Variants in RANBP2 observed in about 807,000 individuals in gnomAD.
RANBP2 encodes the protein E3 SUMO-protein ligase RanBP2.
RANBP2 carries 57 observed loss-of-function variants against 303.6 expected under a neutral mutation model. The observed-to-expected ratio is 0.19, with a 90% CI of 0.15 to 0.23. The LOEUF is 0.23. RANBP2 is among the 10% of genes least tolerant of loss of function. The pLI is 1.00. For synonymous variants in RANBP2, 1,167 were observed against 1,301.5 expected, an observed-to-expected ratio of 0.90 and a Z score of 2.23; for missense variants, 3,138 against 3,780.8, an observed-to-expected ratio of 0.83 and a Z score of 4.46.
the RANBP2 span, among the ~76,000 whole-genome samples, chr2:109,274,995 GC>G: frequency 6.6e-6 from 1 of 152,084 alleles, no homozygotes; most frequent in Non-Finnish European, 1.5e-5. Flanking sequence ...CAATAAAAGA[GC>G]TAGTTCTAAG....
At chr2:108,873,739 A>G in the RANBP2 span, 1 of 547,498 alleles carries the variant, frequency 1.8e-6, no homozygotes, top group Non-Finnish European at 3.2e-6. Context: ...AACACTAACG[A>G]TAGCTGATGT....
At chr2:108,910,657 T>C in the RANBP2 span, 1 of 1,421,136 alleles carries the variant, frequency 7.0e-7, no homozygotes, top group African/African-American at 1.4e-5. Context: ...CACCCCACGG[T>C]AAGCACAGTA....
the RANBP2 span, among the ~76,000 whole-genome samples, chr2:109,219,662 C>T: frequency 1.4e-3 from 220 of 151,878 alleles, no homozygotes; most frequent in South Asian, 6.7e-3. Flanking sequence ...TTGAACAATC[C>T]GAAAAGGAAA....
At chr2:108,923,705 C>T in the RANBP2 span, among the ~76,000 whole-genome samples, 1 of 152,222 alleles carries the variant, frequency 6.6e-6, no homozygotes, top group African/African-American at 2.4e-5. Flanking sequence ...CTTTCTGGTT[C>T]CTCTCTCTGG....
At chr2:109,458,567 G>GGAGAGAGAGAGAGAGAGAGAGAGA in the RANBP2 span, among the ~76,000 whole-genome samples, 1 of 43,104 alleles carries the variant, frequency 2.3e-5, no homozygotes, top group Admixed American at 2.7e-4. Flanking sequence ...AGAACCAGCA[G>GGAGAGAGAGAGAGAGAGAGAGAGA]GAGACAGAGA....
chr2:109,187,340 A>C, the RANBP2 span, among the ~76,000 whole-genome samples: 1 of 144,942 alleles, frequency 6.9e-6, no homozygotes, highest in Non-Finnish European at 1.5e-5. Flanking sequence ...TTTTCTCCAG[A>C]GTGCAAAAGA....
chr2:109,632,781 T>C, the RANBP2 span, among the ~76,000 whole-genome samples: 2 of 151,424 alleles, frequency 1.3e-5, no homozygotes, highest in Non-Finnish European at 2.9e-5. Context: ...ATCACGCCAC[T>C]GCACTCCAGC....
the RANBP2 span, chr2:108,876,440 C>A: frequency 2.4e-6 from 1 of 415,438 alleles, no homozygotes; most frequent in Non-Finnish European, 4.2e-6. Flanking sequence ...TGTTTCAGTT[C>A]AGGTAAGGTA....
At chr2:109,323,286 CA>C in the RANBP2 span, among the ~76,000 whole-genome samples, 1 of 152,138 alleles carries the variant, frequency 6.6e-6, no homozygotes, top group Non-Finnish European at 1.5e-5. Flanking sequence ...CTGACTGGCA[CA>C]GGGGCAAGTG....
At chr2:109,615,351 A>T in the RANBP2 span, 2 of 1,612,506 alleles carry the variant, frequency 1.2e-6, no homozygotes, top group Non-Finnish European at 1.7e-6. Flanking sequence ...GGGCTTGCTC[A>T]CCTGCGAGCC....
At chr2:109,360,746 G>C in the RANBP2 span, among the ~76,000 whole-genome samples, 1 of 152,194 alleles carries the variant, frequency 6.6e-6, no homozygotes, top group Non-Finnish European at 1.5e-5. Context: ...CTAAATAGAT[G>C]ATCATGTCAT....
At chr2:109,164,052 T>C in the RANBP2 span, among the ~76,000 whole-genome samples, 5 of 152,296 alleles carry the variant, frequency 3.3e-5, no homozygotes, top group Admixed American at 3.3e-4. Context: ...TATTTATAAA[T>C]TTGCTTCTAA....
chr2:108,818,964 A>G, the RANBP2 span, among the ~76,000 whole-genome samples: 2 of 152,188 alleles, frequency 1.3e-5, no homozygotes, highest in African/African-American at 2.4e-5. Flanking sequence ...ATTCAGTAAC[A>G]TAAGGGTGGA....
chr2:108,777,720 G>A (rs1003511811), intron 25 of RANBP2, among the ~76,000 whole-genome samples: 3 of 151,956 alleles, frequency 2.0e-5, no homozygotes, highest in East Asian at 3.8e-4. Context: ...ATCCATTTTG[G>A]TAACATTTCT....
chr2:108,945,552 C>T, the RANBP2 span, among the ~76,000 whole-genome samples: 3 of 152,110 alleles, frequency 2.0e-5, no homozygotes, highest in Admixed American at 2.0e-4. Flanking sequence ...TTGGCACTGT[C>T]TGCATTTTAA....
the RANBP2 span, among the ~76,000 whole-genome samples, chr2:109,312,667 C>T: frequency 2.0e-5 from 3 of 152,220 alleles, no homozygotes; most frequent in Non-Finnish European, 2.9e-5. Context: ...TTCGTATTTT[C>T]GAAGTTCATC....
the RANBP2 span, among the ~76,000 whole-genome samples, chr2:109,460,571 G>A: frequency 6.6e-6 from 1 of 152,188 alleles, no homozygotes; most frequent in Non-Finnish European, 1.5e-5. Context: ...CATTGACTGT[G>A]CTCCACAGAA....
chr2:109,451,881 T>C, the RANBP2 span, among the ~76,000 whole-genome samples: 1 of 152,228 alleles, frequency 6.6e-6, no homozygotes, highest in Non-Finnish European at 1.5e-5. Flanking sequence ...GGACACATGC[T>C]GTGGGAGCAG....
chr2:109,250,216 G>A, the RANBP2 span, among the ~76,000 whole-genome samples: 1 of 151,002 alleles, frequency 6.6e-6, no homozygotes, highest in African/African-American at 2.4e-5. Flanking sequence ...TCAGGAATTT[G>A]TATTTAGGGA....
Sources: allele counts gnomAD v4.1 joint callset (sites outside exome capture counted in the v4.1 genomes callset), GRCh38; gene constraint gnomAD v4.1.1; transcripts MANE v1.5; gene names NCBI Gene and HGNC (gene_info 2026-07-23, HGNC 2026-07-21).